The following PTPRZ1 variants were observed in gnomAD, a reference collection of about 807,000 sequenced individuals.
The protein encoded by PTPRZ1 is protein tyrosine phosphatase receptor type Z1.
In PTPRZ1, 82 loss-of-function variants were observed where a neutral mutation model predicts 214.1. The observed-to-expected ratio is 0.38, with a 90% CI of 0.32 to 0.46. The LOEUF is 0.46. Ranked by LOEUF, PTPRZ1 falls within the 20% of genes least tolerant of loss-of-function variation. PTPRZ1 has a pLI of 1.00. For synonymous variants in PTPRZ1, 945 were observed against 987.9 expected, an observed-to-expected ratio of 0.96 and a Z score of 0.81; for missense variants, 2,603 against 2,748.7, an observed-to-expected ratio of 0.95 and a Z score of 1.19.
At chr7:121,904,177 T>C (rs1402504573) in intron 1 of PTPRZ1, among the ~76,000 whole-genome samples, 1 of 152,196 alleles carries the variant, frequency 6.6e-6, no homozygotes, top group Non-Finnish European at 1.5e-5. Flanking sequence ...GACATGTGCT[T>C]AGCAAGAGTG....
chr7:121,919,890 A>G (rs1223021910), intron 1 of PTPRZ1, among the ~76,000 whole-genome samples: 1 of 151,764 alleles, frequency 6.6e-6, no homozygotes, highest in East Asian at 1.9e-4. Flanking sequence ...GTCAATTTTT[A>G]CTCTCCATTT....
intron 15 of PTPRZ1, chr7:122,031,776 G>C (rs1346041195): frequency 3.5e-6 from 1 of 288,496 alleles, no homozygotes. Context: ...TTGTACTGGT[G>C]GAAACATAAA....
rs1315148872 is a variant in PTPRZ1 at position 121,912,529 on chromosome 7, GA to G, written c.59-15622del. 2.0e-5 allele frequency among the ~76,000 whole-genome samples: 3 copies of G among 152,116 alleles called. No individual in the cohort carries two copies. In the East Asian group the frequency reaches 5.8e-4, roughly 29 times the overall value. ...CATTGAAATATGACAGCTACCATTTGAAAAATGCATGGAAATATAGATGCTT... is the reference window on the plus strand; with the variant it reads ...CATTGAAATATGACAGCTACCATTTGAAAATGCATGGAAATATAGATGCTT... On this transcript the variant is annotated intron_variant, in intron 1 of 29. Transcript: ENST00000393386.
At chr7:121,983,599 A>G in intron 6 of PTPRZ1, 66 bp from the exon 7 acceptor site, 2 of 1,395,016 alleles carry the variant, frequency 1.4e-6, no homozygotes, top group East Asian at 4.6e-5. Flanking sequence ...TCTGTTTCAT[A>G]GAAGTTTTGA....
At chr7:121,961,142 C>G (rs1796864050) in intron 2 of PTPRZ1, among the ~76,000 whole-genome samples, 1 of 152,220 alleles carries the variant, frequency 6.6e-6, no homozygotes, top group African/African-American at 2.4e-5. Flanking sequence ...TACGCAGCCT[C>G]TCCCTTCCTG....
chr7:121,933,230 G>A (rs1228936477), intron 2 of PTPRZ1, among the ~76,000 whole-genome samples: 1 of 150,860 alleles, frequency 6.6e-6, no homozygotes, highest in African/African-American at 2.4e-5. Flanking sequence ...GATTATCCTA[G>A]GAGATGTTAA....
At chr7:121,906,036 G>C (rs191686962) in intron 1 of PTPRZ1, among the ~76,000 whole-genome samples, 1 of 152,294 alleles carries the variant, frequency 6.6e-6, no homozygotes, top group Admixed American at 6.5e-5. Flanking sequence ...GTGGTTTTCT[G>C]TGTATATGGT....
In PTPRZ1 at chr7:122,039,582, A is replaced by C. The variant is rs1447678542; in HGVS notation, c.5631A>C (p.Ile1877=). ...VRNFTLRNTK[I]KKGSQKGRPS... ...ATTTTACTCTAAGAAACACAAAAAT[A>C]AAAAAGGTGAGTCAACAAAATGATG... The change falls in exon 20 of 30, where the codon ATA becomes ATC. Residue 1877 remains isoleucine (I), a synonymous_variant. Transcript: ENST00000393386. 6.2e-7 allele frequency: 1 copy of C among 1,612,972 alleles called. No homozygotes were observed. Among genetic ancestry groups the C allele is most frequent in the Admixed American group, 1.7e-5 (1 of 59,808 alleles).
At chr7:121,936,495 C>T (rs1796088637) in intron 2 of PTPRZ1, among the ~76,000 whole-genome samples, 1 of 152,138 alleles carries the variant, frequency 6.6e-6, no homozygotes, top group South Asian at 2.1e-4. Flanking sequence ...TAGACTGAGG[C>T]CTATAGCCGG....
intron 1 of PTPRZ1, among the ~76,000 whole-genome samples, chr7:121,913,237 T>C (rs1362107870): frequency 6.6e-6 from 1 of 152,140 alleles, no homozygotes; most frequent in Non-Finnish European, 1.5e-5. Context: ...GATACCCAGT[T>C]GGAGAAATGG....
intron 1 of PTPRZ1, among the ~76,000 whole-genome samples, chr7:121,906,699 A>T (rs1795126483): frequency 6.6e-6 from 1 of 152,166 alleles, no homozygotes; most frequent in Non-Finnish European, 1.5e-5. Context: ...GGGAAAGGGC[A>T]GTGGGTTCTG....
At chr7:121,903,310 A>G (rs1795024102) in intron 1 of PTPRZ1, among the ~76,000 whole-genome samples, 2 of 152,170 alleles carry the variant, frequency 1.3e-5, no homozygotes, top group African/African-American at 4.8e-5. Flanking sequence ...GAAATTCTCT[A>G]GTTAGACTGT....
Position 121,976,229 on chromosome 7 carries a change from A to C in PTPRZ1, c.513A>C (p.Lys171Asn). 6.2e-7 allele frequency: 1 copy of C among 1,609,028 alleles called. No homozygotes were observed. Reference protein sequence around the residue: ...DRFSSFEEAVKGKGKLRALSI... With the variant: ...DRFSSFEEAVNGKGKLRALSI... ...TTTCAAGTTTTGAGGAAGCAGTCAAAGGAAAAGGGAAGTTAAGAGCTTTAT... is the reference window on the plus strand; with the variant it reads ...TTTCAAGTTTTGAGGAAGCAGTCAACGGAAAAGGGAAGTTAAGAGCTTTAT... Residue 171 changes from lysine (K) to asparagine (N), a missense_variant, in exon 5 of 30, where the codon AAA (lysine) becomes AAC (asparagine). Physicochemically the swap from Lys to Asn is moderately conservative, Grantham distance 94. Around this residue, in one of 6 missense-constraint regions of PTPRZ1, gnomAD observed 244 missense variants for 333.2 expected, o/e 0.73. Transcript: ENST00000393386.
intron 1 of PTPRZ1, among the ~76,000 whole-genome samples, chr7:121,927,719 T>C (rs1795805228): frequency 6.6e-6 from 1 of 152,214 alleles, no homozygotes; most frequent in Admixed American, 6.5e-5. Flanking sequence ...TGATAAACTC[T>C]GGGTACACTA....
chr7:121,892,337 A>G (rs2116220496), intron 1 of PTPRZ1, among the ~76,000 whole-genome samples: 1 of 152,198 alleles, frequency 6.6e-6, no homozygotes, highest in Non-Finnish European at 1.5e-5. Context: ...TTACTGAGAA[A>G]AGAACGGAAA....
chr7:122,061,053 T>C (rs1187917550), intron 29 of PTPRZ1, 27 bp from the exon 30 acceptor site: 4 of 1,559,246 alleles, frequency 2.6e-6, no homozygotes, highest in Non-Finnish European at 3.5e-6. Flanking sequence ...GCTTCGCATT[T>C]ATTACCTCCC....
rs1797452466 is a variant in PTPRZ1 at position 121,976,820 on chromosome 7, T to C, written c.588T>C (p.Ile196=). 1 of 1,611,266 alleles carries C rather than the reference T, an allele frequency of 6.2e-7. No homozygotes were observed. The highest frequency in any genetic ancestry group is 1.3e-5 in the African/African-American group (1 of 74,860). Residue 196 remains isoleucine (I), a synonymous_variant, in exon 6 of 30, where the codon ATT becomes ATC. Coordinates refer to ENST00000393386, the MANE Select transcript of PTPRZ1 (RefSeq NM_002851.3). Reference sequence around the variant, plus strand: ...AAGAAAATTTGGATTTCAAAGCGATTATTGATGGAGTCGAAAGTGTTAGTC... The same window carrying C: ...AAGAAAATTTGGATTTCAAAGCGATCATTGATGGAGTCGAAAGTGTTAGTC... ...GTEENLDFKA[I]IDGVESVSRF... is the part of the protein sequence containing the mutation.
At chr7:121,920,942 G>A (rs1459137914) in intron 1 of PTPRZ1, among the ~76,000 whole-genome samples, 1 of 152,030 alleles carries the variant, frequency 6.6e-6, no homozygotes, top group Non-Finnish European at 1.5e-5. Flanking sequence ...TTGAATTTAA[G>A]TAAAGTCCAA....
At chr7:121,986,129 A>G (rs1797757170) in intron 8 of PTPRZ1, among the ~76,000 whole-genome samples, 1 of 152,200 alleles carries the variant, frequency 6.6e-6, no homozygotes, top group Admixed American at 6.5e-5. Flanking sequence ...ATAATCCATA[A>G]TAACAAAAAC....
Sources: gnomAD v4.1 joint callset for allele counts (sites outside exome capture counted in the v4.1 genomes callset) on GRCh38, gnomAD v4.1.1 for gene constraint, gnomAD v4.1.1 regional missense constraint, MANE v1.5 for transcripts, NCBI Gene and HGNC (gene_info 2026-07-23, HGNC 2026-07-21) for gene names.